IQSEC3: variants seen among roughly 807,000 people sequenced by gnomAD.
IQSEC3 encodes the protein IQ motif and Sec7 domain ArfGEF 3.
In IQSEC3, 50 loss-of-function variants were observed where a neutral mutation model predicts 105.4. The observed-to-expected ratio is 0.47, with a 90% CI of 0.38 to 0.60. The LOEUF (loss-of-function observed/expected upper bound fraction) is 0.60. Among genes scored for constraint, IQSEC3 ranks in the 20% least tolerant of loss-of-function variants. The probability of loss-of-function intolerance (pLI) is 0.00; values close to 1 mark genes in which losing one functional copy is unlikely to be tolerated. For missense variants in IQSEC3, 1,415 were observed against 1,630.0 expected (o/e 0.87, Z 2.27); for synonymous variants, 708 against 746.0 (o/e 0.95, Z 0.83).
chr12:124,494 C>T (rs1565412940), intron 2 of IQSEC3, among the ~76,000 whole-genome samples: 1 of 152,158 alleles, frequency 6.6e-6, no homozygotes, highest in Non-Finnish European at 1.5e-5. Flanking sequence ...ACTGTAACCT[C>T]CTAAGGTAGG....
At chr12:159,898 A>G (rs1484114614) in intron 7 of IQSEC3, among the ~76,000 whole-genome samples, 4 of 152,118 alleles carry the variant, frequency 2.6e-5, no homozygotes, top group Admixed American at 1.3e-4. Flanking sequence ...CGTAACTTTT[A>G]TAGTTTTCTA....
At chr12:76,235 G>C (rs1265909600) in intron 1 of IQSEC3, among the ~76,000 whole-genome samples, 4 of 152,260 alleles carry the variant, frequency 2.6e-5, no homozygotes, top group Admixed American at 1.3e-4. Flanking sequence ...AGAGAGGAAA[G>C]AGCTGGATTC....
At chr12:142,155 A>G (rs1169116024) in intron 5 of IQSEC3, 4 of 152,234 alleles carry the variant, frequency 2.6e-5, no homozygotes, top group Non-Finnish European at 5.9e-5. Context: ...CCTTGGGGAC[A>G]GTCAGCAGAA....
At chr12:170,663 C>T (rs1240666385) in intron 12 of IQSEC3, among the ~76,000 whole-genome samples, 6 of 152,244 alleles carry the variant, frequency 3.9e-5, no homozygotes, top group South Asian at 2.1e-4. Context: ...TCACCGTGCC[C>T]GGCACTGCGG....
chr12:96,300 T>C (rs1232292324), intron 1 of IQSEC3, among the ~76,000 whole-genome samples: 2 of 152,194 alleles, frequency 1.3e-5, no homozygotes, highest in Non-Finnish European at 2.9e-5. Context: ...AATGAGACGG[T>C]GTAAAGACCA....
intron 3 of IQSEC3, among the ~76,000 whole-genome samples, chr12:127,623 A>T (rs1039018264): frequency 1.3e-5 from 2 of 151,956 alleles, no homozygotes; most frequent in Non-Finnish European, 2.9e-5. Flanking sequence ...TTCTGCTCCC[A>T]GCTTCGAAAA....
chr12:101,467 G>C (rs1864419781), intron 2 of IQSEC3, among the ~76,000 whole-genome samples: 1 of 152,172 alleles, frequency 6.6e-6, no homozygotes, highest in Non-Finnish European at 1.5e-5. Flanking sequence ...TGCGGGCTTT[G>C]AGGTTGGGGA....
At position 151,572 on chromosome 12, in the gene IQSEC3, CT is replaced by C. The variant is rs1866512593; in HGVS notation, c.2154-5452del. Among the ~76,000 whole-genome samples the C allele has an allele frequency of 2.0e-5, 3 of 152,338 alleles. No homozygotes were observed. The South Asian group carries it at 6.2e-4, about 32-fold the overall frequency. Reference sequence around the variant, plus strand: ...CCTGCCCCTCTGCCATTCATTTTCTCTCCAACAGCCAGGGAAATCTTCTTAG... The same window carrying C: ...CCTGCCCCTCTGCCATTCATTTTCTCCCAACAGCCAGGGAAATCTTCTTAG... On this transcript the variant is annotated intron_variant, in intron 5 of 13. Coordinates refer to ENST00000538872, the MANE Select transcript of IQSEC3 (RefSeq NM_001170738.2).
At chr12:83,867 A>G (rs1863831979) in intron 1 of IQSEC3, among the ~76,000 whole-genome samples, 1 of 152,268 alleles carries the variant, frequency 6.6e-6, no homozygotes, top group South Asian at 2.1e-4. Flanking sequence ...TTCAACCTCC[A>G]CTTACTTGAT....
chr12:129,786 C>A lies in IQSEC3; in HGVS notation c.903+3874C>A, dbSNP rs916101839. The stretch of plus-strand genomic sequence containing the variant: ...CTGGGCCCTGCTCCCCGAGCCGGGT[C>A]CTGGACAGAAGCCATGTTCTGCTGG... On this transcript the variant is annotated intron_variant, in intron 3 of 13. Transcript: ENST00000538872. Among the ~76,000 whole-genome samples the A allele has an allele frequency of 3.3e-5, 5 of 152,240 alleles. 1 individual carries two copies.
intron 1 of IQSEC3, among the ~76,000 whole-genome samples, chr12:96,832 A>T (rs781897603): frequency 2.6e-5 from 4 of 152,196 alleles, no homozygotes; most frequent in Admixed American, 1.3e-4. Flanking sequence ...CTTGGCTGAG[A>T]AGGAGGTCCA....
chr12:135,914 TA>T (rs535082942), intron 3 of IQSEC3, among the ~76,000 whole-genome samples: 1 of 152,364 alleles, frequency 6.6e-6, no homozygotes, highest in South Asian at 2.1e-4. Context: ...CCCGAGCAGA[TA>T]ACCCAGATGA....
At chr12:167,986 T>C (rs782491542) in intron 11 of IQSEC3, among the ~76,000 whole-genome samples, 7 of 152,152 alleles carry the variant, frequency 4.6e-5, no homozygotes, top group South Asian at 2.1e-4. Flanking sequence ...ATATTTAGCA[T>C]TGATCGATGG....
intron 5 of IQSEC3, among the ~76,000 whole-genome samples, chr12:155,498 C>T (rs112121965): frequency 0.014 from 2,194 of 152,300 alleles, 23 homozygotes; most frequent in Middle Eastern, 0.031. Context: ...TAAGAGTCTT[C>T]GGTGATGCAC....
chr12:140,369 AC>A (rs1865967473), intron 4 of IQSEC3: 1 of 152,286 alleles, frequency 6.6e-6, no homozygotes, highest in East Asian at 1.9e-4. Context: ...TACTCGGCAG[AC>A]CTAGGGAAAG....
chr12:167,525 C>T (rs1440800884), intron 11 of IQSEC3: 1 of 149,690 alleles, frequency 6.7e-6, no homozygotes, highest in Non-Finnish European at 1.5e-5. Context: ...GAAGGAACAG[C>T]TGAGGGAAGA....
Position 139,028 on chromosome 12 carries a change from A to C in IQSEC3, c.1665A>C (p.Ala555=). 1 of 1,504,814 alleles carries C rather than the reference A, an allele frequency of 6.6e-7. No individual in the cohort carries two copies. Among genetic ancestry groups the C allele is most frequent in the Non-Finnish European group, 8.9e-7 (1 of 1,126,196 alleles). 93.2% of individuals were successfully genotyped at this position (1,504,814 alleles called of 1,614,324 possible). ...REDASAEDSC[A]EAAASGAADG... ...ACGCGTCAGCCGAGGACTCATGCGC[A>C]GAGGCTGCGGCTAGTGGGGCGGCGG... Residue 555 remains alanine (A), a synonymous_variant, in exon 4 of 14, where the codon GCA becomes GCC. Coordinates refer to ENST00000538872, the MANE Select transcript of IQSEC3 (RefSeq NM_001170738.2).
rs1939183979 is a variant in IQSEC3, at chr12:174,828, G to C, written c.3344G>C (p.Ser1115Thr). Reference protein sequence around the residue: ...PCLARMEPLLSQALSCYTSSS... With the variant: ...PCLARMEPLLTQALSCYTSSS... ...CTGGCCCGCATGGAGCCCCTGCTGA[G>C]CCAGGCTCTCTCCTGCTACACCTCG... The change falls in exon 14 of 14, where the codon AGC becomes ACC. Residue 1115 changes from serine (S) to threonine (T), a missense_variant. Around this residue, in one of 6 missense-constraint regions of IQSEC3, gnomAD observed 419 missense variants for 436.2 expected, o/e 0.96. Transcript: ENST00000538872. 1.3e-6 allele frequency: 2 copies of C among 1,582,188 alleles called. No individual in the cohort carries two copies. The highest frequency in any genetic ancestry group is 2.7e-5 in the African/African-American group (2 of 74,654).
chr12:153,266 A>G (rs1160783076), intron 5 of IQSEC3, among the ~76,000 whole-genome samples: 1 of 152,046 alleles, frequency 6.6e-6, no homozygotes, highest in East Asian at 1.9e-4. Flanking sequence ...CTTCCCCAGG[A>G]TGACACAGGC....
Sources: allele counts gnomAD v4.1 joint callset (sites outside exome capture counted in the v4.1 genomes callset), GRCh38; gene constraint gnomAD v4.1.1; regional missense constraint gnomAD v4.1.1; transcripts MANE v1.5; gene names NCBI Gene and HGNC (gene_info 2026-07-23, HGNC 2026-07-21).